UGGT2: variants seen among roughly 807,000 people sequenced by gnomAD.
UGGT2 encodes the protein UDP-glucose:glycoprotein glucosyltransferase 2.
A neutral mutation model predicts 192.1 loss-of-function variants in UGGT2; 180 were observed. The ratio of observed to expected loss-of-function variants is 0.94; its 90% confidence interval spans 0.83 to 1.06. UGGT2 has a LOEUF of 1.06. UGGT2 is among the 50% of genes least tolerant of loss of function. The probability of loss-of-function intolerance (pLI) is 0.00; values close to 1 mark genes in which losing one functional copy is unlikely to be tolerated. For missense variants in UGGT2, 1,849 were observed against 1,795.7 expected, an observed-to-expected ratio of 1.03 and a Z score of -0.54; for synonymous variants, 580 against 591.0, an observed-to-expected ratio of 0.98 and a Z score of 0.27.
intron 21 of UGGT2, 21 bp downstream of exon 21, chr13:95,902,833 A>G (rs1363441261): frequency 2.8e-5 from 45 of 1,600,678 alleles, no homozygotes; most frequent in Non-Finnish European, 3.8e-5. Context: ...TACATATTTA[A>G]TATTTCAAAT....
intron 24 of UGGT2, 58 bp from the exon 25 acceptor site, chr13:95,891,022 T>A: frequency 8.1e-7 from 1 of 1,233,952 alleles, no homozygotes; most frequent in Non-Finnish European, 1.2e-6. Context: ...AAACAACTAA[T>A]CATGATCTTA....
chr13:95,863,876 C>G (rs1890392785), intron 30 of UGGT2, among the ~76,000 whole-genome samples, 162 bp from the exon 31 acceptor site: 1 of 152,148 alleles, frequency 6.6e-6, no homozygotes, highest in Non-Finnish European at 1.5e-5. Context: ...TGTAAACAAT[C>G]TGGTCTTTAA....
At chr13:96,048,000 C>A (rs995712718) in intron 1 of UGGT2, among the ~76,000 whole-genome samples, 1 of 152,288 alleles carries the variant, frequency 6.6e-6, no homozygotes. Context: ...TAGACATCTA[C>A]AGAACTCTCC....
chr13:95,859,317 C>A (rs759952866), intron 33 of UGGT2, among the ~76,000 whole-genome samples: 57 of 152,010 alleles, frequency 3.7e-4, no homozygotes, highest in Admixed American at 1.1e-3. Context: ...TATATATTTT[C>A]CATTGCCAAA....
rs1326895694 is a variant in UGGT2 at position 95,902,496 on chromosome 13, G to A, written c.2502+358C>T. ...TGTATTTTTTGAATGAATAATGATT[G>A]TTTCTTCAAGAGGATCATCGTTGAA... On this transcript the variant is annotated intron_variant, in intron 21 of 38. Coordinates refer to ENST00000376747, the MANE Select transcript of UGGT2 (RefSeq NM_020121.4). 2.0e-5 allele frequency among the ~76,000 whole-genome samples: 3 copies of A among 151,806 alleles called. No individual in the cohort carries two copies. In the South Asian group the frequency reaches 6.2e-4, roughly 32 times the overall value.
chr13:96,034,705 G>A (rs2052945888), intron 1 of UGGT2, among the ~76,000 whole-genome samples: 1 of 152,190 alleles, frequency 6.6e-6, no homozygotes, highest in Admixed American at 6.5e-5. Context: ...TGCCTGCAGT[G>A]GAAGCCACCT....
At chr13:95,893,551 G>C (rs1041042593) in intron 24 of UGGT2, among the ~76,000 whole-genome samples, 3 of 151,032 alleles carry the variant, frequency 2.0e-5, no homozygotes, top group Non-Finnish European at 4.4e-5. Flanking sequence ...ATTTCCAAAG[G>C]TTCACTGACA....
In UGGT2 at chr13:95,820,152, A is replaced by AT. The variant is rs1194267112; in HGVS notation, c.4528+12774_4528+12775insA. On this transcript the variant is annotated intron_variant, in intron 38 of 38. Transcript: ENST00000376747. ...TGTGTGACAGAGTGAAACTGTCTCA[A>AT]AAAATAAATAAATAAAATAAACAAG... Among the ~76,000 whole-genome samples, 10 of 79,868 alleles carry AT rather than the reference A, an allele frequency of 1.3e-4. No individual in the cohort carries two copies. In the East Asian group the frequency reaches 1.4e-3, roughly 11 times the overall value. The allele number at this position is 79,868 out of a possible 152,430, so 52.4% of individuals were successfully genotyped here.
chr13:95,931,724 G>A (rs577429601), intron 17 of UGGT2, among the ~76,000 whole-genome samples: 13 of 152,238 alleles, frequency 8.5e-5, no homozygotes, highest in African/African-American at 2.9e-4. Flanking sequence ...AGCGCCCGCC[G>A]GCCTGAGTGC....
Position 95,862,946 on chromosome 13 carries a change from T to C in UGGT2, c.3644+683A>G, listed in dbSNP as rs2140092978. Among the ~76,000 whole-genome samples the C allele has an allele frequency of 5.9e-5, 9 of 152,276 alleles. 2 individuals carry two copies. In the South Asian group the frequency reaches 1.9e-3, roughly 32 times the overall value. ...GTTGCAATCTTGACTTACTGCAGCT[T>C]TGACCTCCCAGACTCAAGCAATCCT... is the stretch of plus-strand genomic sequence containing the variant. On this transcript the variant is annotated intron_variant, in intron 31 of 38. Transcript: ENST00000376747.
chr13:96,034,139 G>A (rs1473147533), intron 1 of UGGT2, among the ~76,000 whole-genome samples: 2 of 152,158 alleles, frequency 1.3e-5, no homozygotes, highest in African/African-American at 4.8e-5. Context: ...ATAATGAGAT[G>A]ACCTGCCTGT....
intron 36 of UGGT2, among the ~76,000 whole-genome samples, chr13:95,840,708 C>T (rs935149038): frequency 1.3e-5 from 2 of 152,126 alleles, no homozygotes; most frequent in African/African-American, 4.8e-5. Context: ...TGGGTATATA[C>T]CCAAAGGATG....
chr13:95,993,093 G>A (rs1280312575), intron 7 of UGGT2, among the ~76,000 whole-genome samples: 1 of 152,060 alleles, frequency 6.6e-6, no homozygotes, highest in Non-Finnish European at 1.5e-5. Context: ...GCCCTTTGCA[G>A]CAACATGAAT....
chr13:96,030,371 C>T (rs1248183347), intron 2 of UGGT2, among the ~76,000 whole-genome samples: 1 of 152,160 alleles, frequency 6.6e-6, no homozygotes, highest in East Asian at 1.9e-4. Flanking sequence ...ATTTATTCAT[C>T]TTTGTATTCC....
Position 95,877,719 on chromosome 13 carries a change from A to T in UGGT2, c.3366T>A (p.Asp1122Glu). 6.2e-7 allele frequency: 1 copy of T among 1,613,964 alleles called. No individual in the cohort carries two copies. Among genetic ancestry groups the T allele is most frequent in the Non-Finnish European group, 8.5e-7 (1 of 1,179,946 alleles). ...LGTKNKPAVVDTIVMAHHGYF... is the reference protein window; with the variant it reads ...LGTKNKPAVVETIVMAHHGYF... ...TTACATGATGTGCCATCACTATTGT[A>T]TCAACCACAGCAGGTTTATTTTTTG... Residue 1122 changes from aspartate to glutamate, a missense_variant, in exon 28 of 39, where the codon GAT becomes GAA. Coordinates refer to ENST00000376747, the MANE Select transcript of UGGT2 (RefSeq NM_020121.4).
At position 96,028,657 on chromosome 13, in the gene UGGT2, A is replaced by G. The variant is rs946035557; in HGVS notation, c.241+3232T>C. On this transcript the variant is annotated intron_variant, in intron 2 of 38. Coordinates refer to ENST00000376747, the MANE Select transcript of UGGT2 (RefSeq NM_020121.4). Reference sequence around the variant, plus strand: ...ATATAAAGTAATTGCATTAAATGGTATAAAACTAGTACTTGAATTCAAAAA... The same window carrying G: ...ATATAAAGTAATTGCATTAAATGGTGTAAAACTAGTACTTGAATTCAAAAA... Among the ~76,000 whole-genome samples, 12 of 152,350 alleles carry G rather than the reference A, an allele frequency of 7.9e-5. 1 individual carries two copies. Among genetic ancestry groups the G allele is most frequent in the African/African-American group, 2.6e-4 (11 of 41,590 alleles).
chr13:95,959,373 T>G (rs1390842636), intron 12 of UGGT2, among the ~76,000 whole-genome samples: 2 of 152,186 alleles, frequency 1.3e-5, no homozygotes, highest in Admixed American at 1.3e-4. Context: ...CAGCTGCTGC[T>G]GCTGCCTCTA....
chr13:95,914,213 T>A (rs528295790), intron 20 of UGGT2, among the ~76,000 whole-genome samples: 4 of 151,870 alleles, frequency 2.6e-5, no homozygotes, highest in Admixed American at 6.6e-5. Context: ...AACCTGCATG[T>A]TGTGCACATG....
rs879069492 is a variant in UGGT2 at position 95,996,234 on chromosome 13, G to T, written c.758-99C>A. On this transcript the variant is annotated intron_variant, in intron 6 of 38. Transcript: ENST00000376747. Reference sequence around the variant, plus strand: ...TAGAAGAACTTGGCCAGGTGCGGCAGCTCATGCCTGTAATCCCAGCACTTT... The same window carrying T: ...TAGAAGAACTTGGCCAGGTGCGGCATCTCATGCCTGTAATCCCAGCACTTT... 2.0e-5 allele frequency: 21 copies of T among 1,030,804 alleles called. No individual in the cohort carries two copies. In the Admixed American group the frequency reaches 2.6e-4, roughly 13 times the overall value. The allele number at this position is 1,030,804 out of a possible 1,614,324, so 63.9% of individuals were successfully genotyped here. A position where few individuals can be genotyped will look rare whatever the true frequency, so the allele number is the denominator to read the frequency against.
Sources: allele counts gnomAD v4.1 joint callset (sites outside exome capture counted in the v4.1 genomes callset), GRCh38; gene constraint gnomAD v4.1.1; transcripts MANE v1.5; gene names NCBI Gene and HGNC (gene_info 2026-07-23, HGNC 2026-07-21).